Variants in ANGPTL2 observed in about 807,000 individuals in gnomAD.
ANGPTL2 encodes the protein angiopoietin like 2.
ANGPTL2 carries 25 observed loss-of-function variants against 52.8 expected under a neutral mutation model. That is an observed-to-expected ratio of 0.47 (90% CI 0.35 to 0.66). The LOEUF is 0.66. ANGPTL2 is among the 30% of genes least tolerant of loss of function. ANGPTL2 has a pLI of 0.01. For synonymous variants in ANGPTL2, 276 were observed against 277.4 expected (o/e 1.00, Z 0.05); for missense variants, 546 against 656.9 (o/e 0.83, Z 1.84).
At chr9:127,110,412 C>G (rs1343243532) in intron 1 of ANGPTL2, among the ~76,000 whole-genome samples, 2 of 152,180 alleles carry the variant, frequency 1.3e-5, no homozygotes, top group African/African-American at 4.8e-5. Flanking sequence ...TATTCCTGTC[C>G]TTTCTCTACT....
intron 1 of ANGPTL2, among the ~76,000 whole-genome samples, chr9:127,109,090 G>C (rs1347100452): frequency 6.6e-6 from 1 of 152,218 alleles, no homozygotes; most frequent in African/African-American, 2.4e-5. Context: ...TCCTGGCCTA[G>C]AGCCTGAGAA....
intron 4 of ANGPTL2, 105 bp from the exon 5 acceptor site, chr9:127,089,243 G>A: frequency 4.0e-6 from 5 of 1,235,824 alleles, no homozygotes; most frequent in South Asian, 1.3e-5. Context: ...GGCATCTGGA[G>A]CAAGAACGCT....
Position 127,089,059 on chromosome 9 carries a change from G to A in ANGPTL2, c.1362C>T (p.Arg454=), listed in dbSNP as rs139012017. 1,787 of 1,614,188 alleles carry A rather than the reference G, an allele frequency of 1.1e-3. 21 individuals are homozygous for A. The South Asian group carries it at 0.018, about 16-fold the overall frequency. ...AHSNLNGVWY[R]GGHYRSRYQD... is the part of the protein sequence containing the mutation. ...GGTAGCGGCTCCGGTAATGGCCCCC[G>A]CGGTACCAGACCCCGTTGAGGTTGG... Residue 454 remains arginine (R), a synonymous_variant, in exon 5 of 5, where the codon CGC becomes CGT. Coordinates refer to ENST00000373425, the MANE Select transcript of ANGPTL2 (RefSeq NM_012098.3).
At position 127,091,587 on chromosome 9, in the gene ANGPTL2, T is replaced by C; in HGVS notation, c.1282+83A>G. On this transcript the variant is annotated intron_variant, in intron 4 of 4. Coordinates refer to ENST00000373425, the MANE Select transcript of ANGPTL2 (RefSeq NM_012098.3). The surrounding 1 kb of genome is among the most constrained non-coding windows in gnomAD (Gnocchi z 4.3). ...CTTCTCACCCTGGGATCTTCCCGTTTCCAAGCCCTGGAGTCAGGGGCTCTG... is the reference window on the plus strand; with the variant it reads ...CTTCTCACCCTGGGATCTTCCCGTTCCCAAGCCCTGGAGTCAGGGGCTCTG... 1 of 1,528,538 alleles carries C rather than the reference T, an allele frequency of 6.5e-7. No homozygotes were observed. The highest frequency in any genetic ancestry group is 8.8e-7 in the Non-Finnish European group (1 of 1,137,270). The allele number at this position is 1,528,538 out of a possible 1,614,324, so 94.7% of individuals were successfully genotyped here.
At chr9:127,100,756 T>G (rs946469408) in intron 2 of ANGPTL2, among the ~76,000 whole-genome samples, 24 of 152,204 alleles carry the variant, frequency 1.6e-4, no homozygotes, top group African/African-American at 5.3e-4. Flanking sequence ...AATCCACAGA[T>G]ATGGACAGGT....
intron 3 of ANGPTL2, among the ~76,000 whole-genome samples, chr9:127,093,151 C>T (rs2052683321): frequency 6.6e-6 from 1 of 152,164 alleles, no homozygotes; most frequent in African/African-American, 2.4e-5. Context: ...CTTAGTACTA[C>T]CTCTGTTTAG....
chr9:127,115,559 A>G (rs962099936), intron 1 of ANGPTL2, among the ~76,000 whole-genome samples: 1 of 152,256 alleles, frequency 6.6e-6, no homozygotes, highest in Non-Finnish European at 1.5e-5. Context: ...CTTGTTCAAG[A>G]TCACTTGGAA....
rs764850682 is a variant in ANGPTL2 at position 127,108,395 on chromosome 9, C to T, written c.337G>A (p.Asp113Asn). The change falls in exon 2 of 5, where the codon GAC (aspartate) becomes AAC (asparagine). Residue 113 changes from aspartate (D) to asparagine (N), a missense_variant. This residue lies in a region of ANGPTL2 where 285 missense variants were observed against 295.8 expected (regional missense o/e 0.96). Transcript: ENST00000373425. Reference sequence around the variant, plus strand: ...TTCACCTCGCTCACAATGCCGCCGTCCACCTCCACCAGCTGCTGCAGCGTC... The same window carrying T: ...TTCACCTCGCTCACAATGCCGCCGTTCACCTCCACCAGCTGCTGCAGCGTC... Reference protein sequence around the residue: ...IETLQQLVEVDGGIVSEVKLL... With the variant: ...IETLQQLVEVNGGIVSEVKLL... The T allele has an allele frequency of 6.2e-6, 10 of 1,608,942 alleles. No individual in the cohort carries two copies. The highest frequency in any genetic ancestry group is 1.7e-5 in the Admixed American group (1 of 59,860).
intron 1 of ANGPTL2, among the ~76,000 whole-genome samples, chr9:127,118,930 G>C (rs2137589161): frequency 6.6e-6 from 1 of 152,320 alleles, no homozygotes; most frequent in East Asian, 1.9e-4. Context: ...GCTCGTGTGT[G>C]GCCCAGTGTG....
At chr9:127,113,177 G>C (rs1223687322) in intron 1 of ANGPTL2, among the ~76,000 whole-genome samples, 1 of 152,140 alleles carries the variant, frequency 6.6e-6, no homozygotes, top group Non-Finnish European at 1.5e-5. Context: ...CCGGTGGGTT[G>C]TTATTCACCC....
At chr9:127,103,008 A>G (rs1469485123) in intron 2 of ANGPTL2, among the ~76,000 whole-genome samples, 1 of 152,202 alleles carries the variant, frequency 6.6e-6, no homozygotes, top group African/African-American at 2.4e-5. Flanking sequence ...CGCCACCATC[A>G]CCACACACAC....
At position 127,108,023 on chromosome 9, in the gene ANGPTL2, T is replaced by A. The variant is rs2054391548; in HGVS notation, c.709A>T (p.Ile237Phe). The A allele has an allele frequency of 1.2e-6, 2 of 1,607,788 alleles. No individual in the cohort carries two copies. The highest frequency in any genetic ancestry group is 1.7e-6 in the Non-Finnish European group (2 of 1,176,624). Residue 237 changes from isoleucine to phenylalanine, a missense_variant, in exon 2 of 5, where the codon ATC becomes TTC. Transcript: ENST00000373425. The stretch of plus-strand genomic sequence containing the variant: ...TCACTCTGGATCTCGTTGGTAGAGA[T>A]CTGGTTGATGATGCGGTTGTAGGTG... Reference protein sequence around the residue: ...PPTYNRIINQISTNEIQSDQN... With the variant: ...PPTYNRIINQFSTNEIQSDQN...
chr9:127,108,353 T>C lies in ANGPTL2; in HGVS notation c.379A>G (p.Ser127Gly). 1 of 1,611,980 alleles carries C rather than the reference T, an allele frequency of 6.2e-7. No individual in the cohort carries two copies. The highest frequency in any genetic ancestry group is 1.1e-5 in the South Asian group (1 of 91,000). ...GTGACCCGCGAGTTCATGTTGCGGC[T>C]CTCCTTGCGCAGCAGCTTCACCTCG... ...VSEVKLLRKE[S>G]RNMNSRVTQL... Residue 127 changes from serine (S) to glycine (G), a missense_variant, in exon 2 of 5, where the codon AGC (serine) becomes GGC (glycine). Physicochemically the swap from Ser to Gly is moderately conservative, Grantham distance 56. This residue lies in a region of ANGPTL2 where 285 missense variants were observed against 295.8 expected (regional missense o/e 0.96). Coordinates refer to ENST00000373425, the MANE Select transcript of ANGPTL2 (RefSeq NM_012098.3).
intron 3 of ANGPTL2, 136 bp from the exon 4 acceptor site, chr9:127,092,076 C>T: frequency 9.8e-7 from 1 of 1,015,278 alleles, no homozygotes; most frequent in Non-Finnish European, 1.5e-6. Context: ...GTTCAGACCC[C>T]TACTCCACCT....
In ANGPTL2 at chr9:127,088,995, A is replaced by G. The variant is rs1320955945; in HGVS notation, c.1426T>C (p.Tyr476His). 1 of 1,614,072 alleles carries G rather than the reference A, an allele frequency of 6.2e-7. No homozygotes were observed. Among genetic ancestry groups the G allele is most frequent in the East Asian group, 2.2e-5 (1 of 44,894 alleles). The change falls in exon 5 of 5, where the codon TAC (tyrosine) becomes CAC (histidine). Residue 476 changes from tyrosine (Y) to histidine (H), a missense_variant. Around this residue, in one of 2 missense-constraint regions of ANGPTL2, gnomAD observed 261 missense variants for 361.0 expected, o/e 0.72. Coordinates refer to ENST00000373425, the MANE Select transcript of ANGPTL2 (RefSeq NM_012098.3). ...ATCATCACCACTTTCTTGAGTGAGT[A>G]AGAGCCTCCTCGGAACTCAGCCCAG... is the stretch of plus-strand genomic sequence containing the variant. ...VYWAEFRGGS[Y>H]SLKKVVMMIR...
At position 127,091,852 on chromosome 9, in the gene ANGPTL2, A is replaced by T. The variant is rs749456287; in HGVS notation, c.1100T>A (p.Val367Glu). Residue 367 changes from valine (V) to glutamate (E), a missense_variant, in exon 4 of 5, where the codon GTG becomes GAG. Physicochemically the swap from Val to Glu is moderately radical, Grantham distance 121. Transcript: ENST00000373425. This position sits in a 1 kb window ranked among gnomAD's most constrained non-coding sequence, Gnocchi z 4.3. ...GCGGCCGGACCAGTCCTCCATGGTC[A>T]CCAGGAGTTTGTAGTTGCCTTGGTT... is the stretch of plus-strand genomic sequence containing the variant. ...LTNQGNYKLL[V>E]TMEDWSGRKV... is the part of the protein sequence containing the mutation. 1 of 1,614,182 alleles carries T rather than the reference A, an allele frequency of 6.2e-7. No homozygotes were observed. Among genetic ancestry groups the T allele is most frequent in the Non-Finnish European group, 8.5e-7 (1 of 1,180,022 alleles).
chr9:127,091,991 C>T lies in ANGPTL2; in HGVS notation c.1012-51G>A. 6.3e-7 allele frequency: 1 copy of T among 1,590,646 alleles called. No homozygotes were observed. The highest frequency in any genetic ancestry group is 1.2e-5 in the South Asian group (1 of 86,950). ...ATGTGGAGCCTGCAGCACCTGCAGC[C>T]AGCAGGCTTGGCTGTCAGACACTCA... On this transcript the variant is annotated intron_variant, in intron 3 of 4. Coordinates refer to ENST00000373425, the MANE Select transcript of ANGPTL2 (RefSeq NM_012098.3). The surrounding 1 kb of genome is among the most constrained non-coding windows in gnomAD (Gnocchi z 4.3).
At chr9:127,096,795 G>T (rs576357844) in intron 2 of ANGPTL2, among the ~76,000 whole-genome samples, 1 of 152,314 alleles carries the variant, frequency 6.6e-6, no homozygotes, top group East Asian at 1.9e-4. Flanking sequence ...TAAACTCCTT[G>T]CTCTAAGAGT....
Position 127,096,443 on chromosome 9 carries a change from C to T in ANGPTL2, c.818-2517G>A, listed in dbSNP as rs529174275. On this transcript the variant is annotated intron_variant, in intron 2 of 4. Transcript: ENST00000373425. Reference sequence around the variant, plus strand: ...TGAGAGCGAGCAGCCCAGCCTCTTACTGCACAGCTGCCAGGACTGCTGCAG... The same window carrying T: ...TGAGAGCGAGCAGCCCAGCCTCTTATTGCACAGCTGCCAGGACTGCTGCAG... Among the ~76,000 whole-genome samples, 15 of 152,320 alleles carry T rather than the reference C, an allele frequency of 9.8e-5. No homozygotes were observed. In the South Asian group the frequency reaches 2.1e-3, roughly 21 times the overall value.
Sources: allele counts gnomAD v4.1 joint callset (sites outside exome capture counted in the v4.1 genomes callset), GRCh38; gene constraint gnomAD v4.1.1; regional missense constraint gnomAD v4.1.1; non-coding constraint Gnocchi (gnomAD v3.1); transcripts MANE v1.5; gene names NCBI Gene and HGNC (gene_info 2026-07-23, HGNC 2026-07-21).